RNF17: variants seen among roughly 807,000 people sequenced by gnomAD.
The protein encoded by RNF17 is spermatogenesis associated 23.
A neutral mutation model predicts 200.5 loss-of-function variants in RNF17; 31 were observed. That is an observed-to-expected ratio of 0.15 (90% confidence interval 0.12 to 0.21). The LOEUF is 0.21. Among genes scored for constraint, RNF17 ranks in the 10% least tolerant of loss-of-function variants. The pLI is 1.00. For synonymous variants in RNF17, 606 were observed against 637.8 expected (o/e 0.95, Z 0.75); for missense variants, 1,628 against 1,905.1 (o/e 0.85, Z 2.71).
In RNF17 at chr13:24,802,524, T is replaced by A; in HGVS notation, c.1902T>A (p.Asp634Glu). 6.2e-7 allele frequency: 1 copy of A among 1,613,966 alleles called. No individual in the cohort carries two copies. Among genetic ancestry groups the A allele is most frequent in the South Asian group, 1.1e-5 (1 of 90,990 alleles). The change falls in exon 14 of 36, where the codon GAT becomes GAA. Residue 634 changes from aspartate to glutamate, a missense_variant. Asp to Glu is a conservative substitution (Grantham distance 45, BLOSUM62 2). Transcript: ENST00000255324. ...CACCACCGAATAAAATAAGCAGTGATATGCCTGTGTCTCTTAGAGATGCGC... is the reference window on the plus strand; with the variant it reads ...CACCACCGAATAAAATAAGCAGTGAAATGCCTGTGTCTCTTAGAGATGCGC... ...QKPPPNKISS[D>E]MPVSLRDALV... is the part of the protein sequence containing the mutation.
intron 16 of RNF17, among the ~76,000 whole-genome samples, chr13:24,829,560 A>G (rs1188510340): frequency 1.3e-5 from 2 of 152,308 alleles, no homozygotes; most frequent in Non-Finnish European, 2.9e-5. Context: ...TATCATGGAT[A>G]TCTCCTACCA....
At chr13:24,763,510 C>CA (rs1879061614), upstream of RNF17, among the ~76,000 whole-genome samples, 1 of 151,966 alleles carries the variant, frequency 6.6e-6, no homozygotes, top group South Asian at 2.1e-4. Context: ...AGCCACCGCG[C>CA]CGGGCCCAGA....
At chr13:24,819,020 T>A (rs1216026046) in intron 15 of RNF17, among the ~76,000 whole-genome samples, 5 of 152,172 alleles carry the variant, frequency 3.3e-5, no homozygotes, top group South Asian at 4.1e-4. Context: ...ATGTATTTTT[T>A]AAAATCTCTT....
chr13:24,797,705 A>AGTGTGTGTGTGTGTGTGTGTGTGTGTGT lies in RNF17; in HGVS notation c.1399+1423_1399+1450dup, dbSNP rs777888152. ...GAGAGAGAGAGAGAGAGAGACAAAGAGTGTGTGTGTGTGTGTGTGTGTGTG... is the reference window on the plus strand; with the variant it reads ...GAGAGAGAGAGAGAGAGAGACAAAGAGTGTGTGTGTGTGTGTGTGTGTGTGTGTGTGTGTGTGTGTGTGTGTGTGTGTG... On this transcript the variant is annotated intron_variant, in intron 11 of 35. Transcript: ENST00000255324. Among the ~76,000 whole-genome samples, 12 of 119,092 alleles carry AGTGTGTGTGTGTGTGTGTGTGTGTGTGT rather than the reference A, an allele frequency of 1.0e-4. 1 individual carries two copies. The highest frequency in any genetic ancestry group is 1.6e-4 in the Non-Finnish European group (9 of 57,588). 78.1% of individuals were successfully genotyped at this position (119,092 alleles called of 152,430 possible). A position where few individuals can be genotyped will look rare whatever the true frequency, so the allele number is the denominator to read the frequency against.
chr13:24,800,242 C>G, intron 12 of RNF17, 124 bp from the exon 13 acceptor site: 1 of 619,478 alleles, frequency 1.6e-6, no homozygotes, highest in Non-Finnish European at 2.7e-6. Context: ...TTAATTTGGA[C>G]TATAACTTTC....
At chr13:24,774,745 T>A (rs1881303393) in intron 2 of RNF17, 68 bp from the exon 3 acceptor site, 1 of 872,086 alleles carries the variant, frequency 1.1e-6, no homozygotes, top group Admixed American at 2.1e-5. Flanking sequence ...CTTAAATAGT[T>A]GTTTAGGTTC....
chr13:24,794,124 C>T (rs1387244790), intron 10 of RNF17: 2 of 438,288 alleles, frequency 4.6e-6, no homozygotes, highest in African/African-American at 4.1e-5. Context: ...ATAGTTAGTA[C>T]AAGTTGTCTT....
chr13:24,841,921 G>A, intron 18 of RNF17, 120 bp from the exon 19 acceptor site: 3 of 698,940 alleles, frequency 4.3e-6, no homozygotes, highest in South Asian at 1.9e-5. Flanking sequence ...AGCTGAGATC[G>A]TGCCACTGCA....
the RNF17 span, among the ~76,000 whole-genome samples, chr13:24,755,561 C>A: frequency 6.6e-6 from 1 of 152,130 alleles, no homozygotes; most frequent in Non-Finnish European, 1.5e-5. Context: ...ATCTTGAAAC[C>A]TAGTTAAGCT....
chr13:24,862,603 T>A (rs777636584), intron 27 of RNF17, 110 bp from the exon 28 acceptor site: 4 of 674,608 alleles, frequency 5.9e-6, no homozygotes, highest in Non-Finnish European at 1.1e-5. Context: ...GTGTATTTTG[T>A]ACTACTATCT....
intron 2 of RNF17, among the ~76,000 whole-genome samples, chr13:24,771,002 A>C (rs1325380764): frequency 6.6e-6 from 1 of 152,178 alleles, no homozygotes. Flanking sequence ...CCTTGTTGTA[A>C]ATTGTAATTC....
At chr13:24,842,475 G>A (rs1196078567) in intron 19 of RNF17, among the ~76,000 whole-genome samples, 1 of 152,228 alleles carries the variant, frequency 6.6e-6, no homozygotes, top group Non-Finnish European at 1.5e-5. Flanking sequence ...AAGGAATTGG[G>A]AAGAGAAATG....
chr13:24,882,767 TACAGAG>T, downstream of RNF17: 1 of 190,126 alleles, frequency 5.3e-6, no homozygotes, highest in Non-Finnish European at 1.1e-5. Flanking sequence ...ATATTTTGGC[TACAGAG>T]ACACGTGTTT....
In RNF17 at chr13:24,844,691, A is replaced by G; in HGVS notation, c.2871A>G (p.Lys957=). 2 of 1,610,082 alleles carry G rather than the reference A, an allele frequency of 1.2e-6. No homozygotes were observed. The highest frequency in any genetic ancestry group is 1.3e-5 in the African/African-American group (1 of 74,950). The change falls in exon 21 of 36, where the codon AAA becomes AAG. Residue 957 remains lysine (K), a synonymous_variant. Transcript: ENST00000255324. The part of the protein sequence containing the change: ...EKMIAAYENS[K]WEPVKWENDM... ...TGATAGCTGCTTATGAAAACTCAAA[A>G]TGGGAACCTGTTAAATGGGAAAATG...
At chr13:24,865,260 T>C (rs1438442894) in intron 29 of RNF17, among the ~76,000 whole-genome samples, 1 of 152,210 alleles carries the variant, frequency 6.6e-6, no homozygotes, top group Admixed American at 6.5e-5. Context: ...TGCTATTCAG[T>C]GTTGTTTGAA....
chr13:24,803,081 G>T (rs1566154500), intron 14 of RNF17, among the ~76,000 whole-genome samples: 1 of 152,056 alleles, frequency 6.6e-6, no homozygotes, highest in Non-Finnish European at 1.5e-5. Flanking sequence ...AAAAATTAGA[G>T]AAATTAAGGT....
intron 27 of RNF17, 127 bp from the exon 28 acceptor site, chr13:24,862,586 A>C: frequency 1.6e-6 from 1 of 617,252 alleles, no homozygotes; most frequent in Non-Finnish European, 3.0e-6. Flanking sequence ...TTCTCTGAGA[A>C]CTGCTTGTGT....
intron 22 of RNF17, among the ~76,000 whole-genome samples, chr13:24,845,680 C>T (rs964012296): frequency 2.0e-5 from 3 of 152,088 alleles, no homozygotes; most frequent in Non-Finnish European, 2.9e-5. Context: ...ATTTCACTGG[C>T]GCATGCAGGC....
intron 15 of RNF17, among the ~76,000 whole-genome samples, chr13:24,812,481 A>G (rs567537796): frequency 3.9e-5 from 6 of 152,168 alleles, no homozygotes; most frequent in Middle Eastern, 3.4e-3. Flanking sequence ...GAGTGAGGCA[A>G]TGCCTCGCCC....
Sources: gnomAD v4.1 joint callset for allele counts (sites outside exome capture counted in the v4.1 genomes callset) on GRCh38, gnomAD v4.1.1 for gene constraint, MANE v1.5 for transcripts, NCBI Gene and HGNC (gene_info 2026-07-23, HGNC 2026-07-21) for gene names.